The following TPTE2 variants were observed in gnomAD, a reference collection of about 807,000 sequenced individuals.
TPTE2 encodes the protein phosphatidylinositol 3,4,5-trisphosphate 3-phosphatase TPTE2.
TPTE2 carries 53 observed loss-of-function variants against 78.6 expected under a neutral mutation model. That is an observed-to-expected ratio of 0.67 (90% CI 0.54 to 0.85). The LOEUF is 0.85. TPTE2 is among the 40% of genes least tolerant of loss of function. TPTE2 has a pLI of 0.00. For missense variants in TPTE2, 461 were observed against 623.0 expected, an observed-to-expected ratio of 0.74 and a Z score of 2.77; for synonymous variants, 175 against 206.2, an observed-to-expected ratio of 0.85 and a Z score of 1.30.
Position 19,450,046 on chromosome 13 carries a change from A to T in TPTE2, c.973+30T>A. The T allele has an allele frequency of 1.9e-6, 3 of 1,607,852 alleles. No homozygotes were observed. In the Admixed American group the frequency reaches 5.1e-5, roughly 27 times the overall value. On this transcript the variant is annotated intron_variant, in intron 13 of 19. Coordinates refer to ENST00000400230, the Ensembl canonical transcript of TPTE2. ...TATCTATATTTACATGTCTTTAGAA[A>T]GGGAAAAATGAAAAGGAAAATGTTA... is the stretch of plus-strand genomic sequence containing the variant.
chr13:19,461,129 C>A (rs1460048988), intron 10 of TPTE2, among the ~76,000 whole-genome samples: 1 of 152,020 alleles, frequency 6.6e-6, no homozygotes. Context: ...AGAGGATTTG[C>A]ATTGTTTTGT....
chr13:19,451,159 A>G lies in TPTE2; in HGVS notation c.802+6T>C. On this transcript the variant is annotated splice_donor_region_variant and intron_variant, in intron 11 of 19. Coordinates refer to ENST00000400230, the Ensembl canonical transcript of TPTE2. ...ACAGTAGCAAAATATAGAGTAATGT[A>G]CATACTGCATAGATTGTAGACTCGA... The G allele has an allele frequency of 1.2e-6, 2 of 1,613,326 alleles. No homozygotes were observed. Among genetic ancestry groups the G allele is most frequent in the Non-Finnish European group, 1.7e-6 (2 of 1,179,526 alleles).
At chr13:19,473,128 C>T (rs550976482) in intron 6 of TPTE2, among the ~76,000 whole-genome samples, 1 of 152,306 alleles carries the variant, frequency 6.6e-6, no homozygotes, top group African/African-American at 2.4e-5. Context: ...CTGTGGCCAC[C>T]AATACTGTGA....
intron 10 of TPTE2, 30 bp downstream of exon 13, chr13:19,464,426 A>G: frequency 6.3e-7 from 1 of 1,586,558 alleles, no homozygotes. Flanking sequence ...TTCACTGAGA[A>G]ATGAGTATTT....
At chr13:19,515,441 C>T (rs1376527451) in intron 1 of TPTE2, among the ~76,000 whole-genome samples, 1 of 152,166 alleles carries the variant, frequency 6.6e-6, no homozygotes, top group African/African-American at 2.4e-5. Context: ...TAGCTCAAAC[C>T]TTTAAGCACA....
intron 1 of TPTE2, among the ~76,000 whole-genome samples, chr13:19,526,606 C>T (rs1870515081): frequency 6.6e-6 from 1 of 152,146 alleles, no homozygotes; most frequent in Non-Finnish European, 1.5e-5. Context: ...AAAAAGCTAC[C>T]TATCAGGTAC....
At chr13:19,440,915 T>C (rs1593355548) in intron 13 of TPTE2, among the ~76,000 whole-genome samples, 1 of 151,858 alleles carries the variant, frequency 6.6e-6, no homozygotes, top group East Asian at 1.9e-4. Flanking sequence ...GGTGAAACCC[T>C]ATCTCTACTA....
intron 1 of TPTE2, among the ~76,000 whole-genome samples, chr13:19,517,041 T>C (rs1335949976): frequency 6.6e-6 from 1 of 152,112 alleles, no homozygotes; most frequent in Non-Finnish European, 1.5e-5. Context: ...AAGCACATCT[T>C]TGGACGTGAA....
the TPTE2 span, chr13:19,560,369 C>T: frequency 3.7e-6 from 6 of 1,606,624 alleles, no homozygotes; most frequent in Non-Finnish European, 5.1e-6. Context: ...AGGGCAGCCC[C>T]CAGTTCCCCC....
chr13:19,456,871 A>G (rs1248172056), intron 10 of TPTE2, among the ~76,000 whole-genome samples: 4 of 152,198 alleles, frequency 2.6e-5, no homozygotes, highest in African/African-American at 9.6e-5. Flanking sequence ...GAGAGCCAAG[A>G]TAGTTTTTAA....
rs568061094 is a variant in TPTE2 at position 19,487,645 on chromosome 13, A to G, written c.120-5098T>C. ...TGAGTTACAGCCAGTCCTGGGACCA[A>G]CCTCCACACAGCTGGGATTGTGGCT... is the stretch of plus-strand genomic sequence containing the variant. On this transcript the variant is annotated intron_variant, in intron 3 of 19. Transcript: ENST00000400230. 4.4e-3 allele frequency among the ~76,000 whole-genome samples: 667 copies of G among 151,944 alleles called. 4 individuals carry two copies. Among genetic ancestry groups the G allele is most frequent in the African/African-American group, 0.015 (634 of 41,422 alleles).
chr13:19,553,242 A>G, the TPTE2 span, among the ~76,000 whole-genome samples: 2 of 152,224 alleles, frequency 1.3e-5, no homozygotes, highest in African/African-American at 4.8e-5. Context: ...CATGTTGGCT[A>G]ATTACCACCA....
intron 1 of TPTE2, among the ~76,000 whole-genome samples, chr13:19,514,592 A>AGAGTGTGTGTGTGT (rs542178212): frequency 9.5e-5 from 12 of 126,710 alleles, no homozygotes; most frequent in African/African-American, 2.4e-4. Flanking sequence ...TACTTCTGAG[A>AGAGTGTGTGTGTGT]GTGTGTGTGT....
intron 18 of TPTE2, among the ~76,000 whole-genome samples, chr13:19,425,341 A>G (rs1327373005): frequency 6.6e-6 from 1 of 152,184 alleles, no homozygotes; most frequent in Non-Finnish European, 1.5e-5. Flanking sequence ...GCCTATATAT[A>G]CCCAACTACA....
At chr13:19,428,964 A>C (rs1566035127) in intron 17 of TPTE2, among the ~76,000 whole-genome samples, 1 of 152,250 alleles carries the variant, frequency 6.6e-6, no homozygotes, top group Non-Finnish European at 1.5e-5. Flanking sequence ...TATGTGACAA[A>C]GAGGCCTGAT....
intron 7 of TPTE2, 148 bp downstream of exon 10, chr13:19,467,077 G>T: frequency 6.1e-6 from 6 of 981,730 alleles, no homozygotes; most frequent in East Asian, 3.1e-5. Context: ...CAAAGTATGT[G>T]GGCATTTACC....
At chr13:19,503,773 G>A (rs149431225), upstream of TPTE2, among the ~76,000 whole-genome samples, 3,860 of 152,142 alleles carry the variant, frequency 0.025, 128 homozygotes, top group African/African-American at 0.075. Context: ...AGTTCTGCAG[G>A]GTCAAAAACA....
At chr13:19,515,383 T>C (rs983893685) in intron 1 of TPTE2, among the ~76,000 whole-genome samples, 2 of 152,220 alleles carry the variant, frequency 1.3e-5, no homozygotes, top group African/African-American at 4.8e-5. Context: ...TCTTTTTATG[T>C]CTTTAAGAAA....
chr13:19,489,830 C>T (rs1428570049), intron 3 of TPTE2, among the ~76,000 whole-genome samples: 2 of 151,646 alleles, frequency 1.3e-5, no homozygotes, highest in Admixed American at 1.3e-4. Flanking sequence ...TTCAGTGACA[C>T]CACCACTGAA....
Sources: allele counts gnomAD v4.1 joint callset (sites outside exome capture counted in the v4.1 genomes callset), GRCh38; gene constraint gnomAD v4.1.1; transcripts MANE v1.5; gene names NCBI Gene and HGNC (gene_info 2026-07-23, HGNC 2026-07-21).